Variants in TTL observed in about 807,000 individuals in gnomAD.
The protein encoded by TTL is tubulin--tyrosine ligase.
In TTL, 10 loss-of-function variants were observed where a neutral mutation model predicts 41.1. That is an observed-to-expected ratio of 0.24 (90% CI 0.15 to 0.41). The LOEUF (loss-of-function observed/expected upper bound fraction) is 0.41, where lower values mean the gene tolerates loss of function less well. TTL is among the 10% of genes least tolerant of loss of function. The probability of loss-of-function intolerance (pLI) is 1.00; values close to 1 mark genes in which losing one functional copy is unlikely to be tolerated. For synonymous variants in TTL, 175 were observed against 175.5 expected (o/e 1.00, Z 0.02); for missense variants, 367 against 460.4 (o/e 0.80, Z 1.86).
chr2:112,524,343 A>C (rs1682320980), intron 6 of TTL, among the ~76,000 whole-genome samples: 1 of 152,142 alleles, frequency 6.6e-6, no homozygotes, highest in African/African-American at 2.4e-5. Flanking sequence ...TGGTATTTCT[A>C]GTTCTAGATC....
intron 4 of TTL, among the ~76,000 whole-genome samples, chr2:112,502,573 G>T (rs1681731651): frequency 6.7e-6 from 1 of 149,792 alleles, no homozygotes; most frequent in South Asian, 2.1e-4. Flanking sequence ...GAAGGCGGAG[G>T]TTGCAGTGAG....
At chr2:112,510,756 T>C (rs1224073303) in intron 5 of TTL, among the ~76,000 whole-genome samples, 2 of 152,234 alleles carry the variant, frequency 1.3e-5, no homozygotes, top group Non-Finnish European at 2.9e-5. Flanking sequence ...CCTCTAAATA[T>C]TGCATTAGCA....
chr2:112,493,022 C>A (rs966736718), intron 2 of TTL, among the ~76,000 whole-genome samples: 1 of 152,204 alleles, frequency 6.6e-6, no homozygotes, highest in Non-Finnish European at 1.5e-5. Flanking sequence ...AATGCAGATA[C>A]GGAGTTGAAC....
chr2:112,511,470 T>G (rs558051055), intron 5 of TTL, among the ~76,000 whole-genome samples: 2 of 152,254 alleles, frequency 1.3e-5, no homozygotes, highest in African/African-American at 4.8e-5. Flanking sequence ...CTTCATGTCT[T>G]TTGATGATCT....
At position 112,536,303 on chromosome 2, in the gene TTL, T is replaced by G. The variant is rs1270500986; in HGVS notation, c.*7508T>G. ...CCAAGCTGGTCTTGAACTCCCGTCC[T>G]CAGGCAATCCTCCTGCCTCAGTCTC... On this transcript the variant is annotated 3_prime_UTR_variant, in exon 7 of 7. Transcript: ENST00000233336. The G allele has an allele frequency of 1.3e-5, 2 of 152,140 alleles. No homozygotes were observed. The highest frequency in any genetic ancestry group is 2.9e-5 in the Non-Finnish European group (2 of 68,040). The allele number at this position is 152,140 out of a possible 1,614,324, so 9.4% of individuals were successfully genotyped here. A position where few individuals can be genotyped will look rare whatever the true frequency, so the allele number is the denominator to read the frequency against.
At chr2:112,483,301 G>A (rs554926037) in intron 1 of TTL, 1 of 152,384 alleles carries the variant, frequency 6.6e-6, no homozygotes, top group Non-Finnish European at 1.5e-5. Flanking sequence ...GAGGGGACTA[G>A]CGGCTCCTTT....
intron 5 of TTL, among the ~76,000 whole-genome samples, chr2:112,517,102 C>G (rs976387475): frequency 7.0e-6 from 1 of 142,336 alleles, no homozygotes; most frequent in Non-Finnish European, 1.5e-5. Flanking sequence ...CTGTATAAGT[C>G]TCTGATGAGG....
chr2:112,493,262 G>A (rs1353757220), intron 2 of TTL, among the ~76,000 whole-genome samples: 1 of 152,032 alleles, frequency 6.6e-6, no homozygotes, highest in African/African-American at 2.4e-5. Context: ...GCCAGTGCAT[G>A]TCTGTGGGCA....
intron 5 of TTL, among the ~76,000 whole-genome samples, chr2:112,510,158 G>A (rs1681887041): frequency 6.6e-6 from 1 of 152,130 alleles, no homozygotes; most frequent in African/African-American, 2.4e-5. Flanking sequence ...AAGAGATGGT[G>A]TCTCATTTTA....
At position 112,532,428 on chromosome 2, in the gene TTL, CTTG is replaced by C. The variant is rs915117863; in HGVS notation, c.*3638_*3640del. On this transcript the variant is annotated 3_prime_UTR_variant, in exon 7 of 7. Coordinates refer to ENST00000233336, the MANE Select transcript of TTL (RefSeq NM_153712.5). ...TCAAGTGTTTTTGTGCTCTTTGGTT[CTTG>C]TTGTAGGTATTGACTGTCCTGGGAT... 9.0e-6 allele frequency: 2 copies of C among 222,006 alleles called. No individual in the cohort carries two copies. Among genetic ancestry groups the C allele is most frequent in the African/African-American group, 2.2e-5 (1 of 44,686 alleles). The allele number at this position is 222,006 out of a possible 1,614,324, so 13.8% of individuals were successfully genotyped here.
chr2:112,513,887 G>A (rs1404238474), intron 5 of TTL, among the ~76,000 whole-genome samples: 2 of 152,088 alleles, frequency 1.3e-5, no homozygotes, highest in Non-Finnish European at 2.9e-5. Context: ...GGGACACAGG[G>A]AAGAGGCTTA....
rs147688618 is a variant in TTL at position 112,525,465 on chromosome 2, G to A, written c.1020-3216G>A. ...ATTTGTTTGTGTCCTCTTTTATTTC[G>A]TTGAGCAGCGGTTTGTAGTTCTCCT... On this transcript the variant is annotated intron_variant, in intron 6 of 6. Coordinates refer to ENST00000233336, the MANE Select transcript of TTL (RefSeq NM_153712.5). Among the ~76,000 whole-genome samples the A allele has an allele frequency of 6.4e-3, 974 of 152,094 alleles. 6 individuals carry two copies. The highest frequency in any genetic ancestry group is 0.022 in the African/African-American group (920 of 41,500).
chr2:112,502,828 G>T, intron 4 of TTL, 84 bp from the exon 5 acceptor site: 1 of 1,465,980 alleles, frequency 6.8e-7, no homozygotes. Context: ...CCCCATAAAA[G>T]AAGTCAAGAT....
chr2:112,494,706 C>G (rs1681479708), intron 3 of TTL, among the ~76,000 whole-genome samples: 1 of 152,130 alleles, frequency 6.6e-6, no homozygotes, highest in Non-Finnish European at 1.5e-5. Flanking sequence ...TATGATCCCA[C>G]TATTCACTCA....
chr2:112,535,948 G>T lies in TTL; in HGVS notation c.*7153G>T, dbSNP rs1158462961. ...GCCACCCAAGTAGCTGGAACTATAGGTGCCTGCCACCATACTTGGCTAATT... is the reference window on the plus strand; with the variant it reads ...GCCACCCAAGTAGCTGGAACTATAGTTGCCTGCCACCATACTTGGCTAATT... On this transcript the variant is annotated 3_prime_UTR_variant, in exon 7 of 7. Coordinates refer to ENST00000233336, the MANE Select transcript of TTL (RefSeq NM_153712.5). 2 of 152,134 alleles carry T rather than the reference G, an allele frequency of 1.3e-5. No individual in the cohort carries two copies. Among genetic ancestry groups the T allele is most frequent in the Admixed American group, 1.3e-4 (2 of 15,246 alleles). 9.4% of individuals were successfully genotyped at this position (152,134 alleles called of 1,614,324 possible).
At chr2:112,517,706 G>A (rs998081972) in intron 5 of TTL, among the ~76,000 whole-genome samples, 3 of 151,020 alleles carry the variant, frequency 2.0e-5, no homozygotes, top group Non-Finnish European at 4.4e-5. Flanking sequence ...ACTTTGGGAG[G>A]CTGAGGCAGG....
chr2:112,512,390 A>G (rs1255932439), intron 5 of TTL, among the ~76,000 whole-genome samples: 1 of 151,846 alleles, frequency 6.6e-6, no homozygotes, highest in Non-Finnish European at 1.5e-5. Flanking sequence ...AGCCTCCCGA[A>G]TAGCTGGGAC....
intron 2 of TTL, among the ~76,000 whole-genome samples, chr2:112,486,343 C>A (rs1055208164): frequency 6.6e-6 from 1 of 152,200 alleles, no homozygotes; most frequent in African/African-American, 2.4e-5. Context: ...CCTCTCCTGA[C>A]TCCAAGGAGC....
At chr2:112,522,074 A>T (rs1682252271) in intron 6 of TTL, 1 of 152,266 alleles carries the variant, frequency 6.6e-6, no homozygotes, top group African/African-American at 2.4e-5. Context: ...GGCAGTTAAC[A>T]TTGTCACCTT....
Sources: gnomAD v4.1 joint callset for allele counts (sites outside exome capture counted in the v4.1 genomes callset) on GRCh38, gnomAD v4.1.1 for gene constraint, MANE v1.5 for transcripts, NCBI Gene and HGNC (gene_info 2026-07-23, HGNC 2026-07-21) for gene names.